Variants in BABAM2 observed in about 807,000 individuals in gnomAD.
The protein encoded by BABAM2 is BRISC and BRCA1-A complex member 2.
A neutral mutation model predicts 54.7 loss-of-function variants in BABAM2; 31 were observed. The observed-to-expected ratio is 0.57, with a 90% CI of 0.43 to 0.77. The LOEUF (loss-of-function observed/expected upper bound fraction) is 0.77, where lower values mean the gene tolerates loss of function less well. Ranked by LOEUF, BABAM2 falls within the 30% of genes least tolerant of loss-of-function variation. BABAM2 has a pLI of 0.00. For missense variants in BABAM2, 364 were observed against 455.8 expected (o/e 0.80, Z 1.83); for synonymous variants, 167 against 162.9 (o/e 1.03, Z -0.19).
At position 28,237,189 on chromosome 2, in the gene BABAM2, C is replaced by T. The variant is rs768139109; in HGVS notation, c.681-13C>T. On this transcript the variant is annotated splice_polypyrimidine_tract_variant and intron_variant, in intron 7 of 11. Coordinates refer to ENST00000379624, the MANE Select transcript of BABAM2 (RefSeq NM_199191.3). ...CCCTAAGAGAAGTGTCCATTGTACT[C>T]TTGTCCTTTCAGTGCACTTGGAGGC... 6.2e-7 allele frequency: 1 copy of T among 1,607,094 alleles called. No homozygotes were observed. Among genetic ancestry groups the T allele is most frequent in the Non-Finnish European group, 8.5e-7 (1 of 1,173,728 alleles).
At chr2:28,228,009 A>G (rs1323977506) in intron 7 of BABAM2, among the ~76,000 whole-genome samples, 1 of 152,186 alleles carries the variant, frequency 6.6e-6, no homozygotes, top group Admixed American at 6.5e-5. Flanking sequence ...AGCTTGGACA[A>G]ATCATCCATC....
chr2:28,292,730 A>G (rs1285415221), intron 10 of BABAM2, among the ~76,000 whole-genome samples: 3 of 152,220 alleles, frequency 2.0e-5, no homozygotes. Context: ...ATCAGAGAGG[A>G]AAATATTTCT....
At chr2:28,310,027 C>T in intron 11 of BABAM2, 7 of 1,545,574 alleles carry the variant, frequency 4.5e-6, no homozygotes, top group Non-Finnish European at 5.4e-6. Context: ...ATTATTGGAT[C>T]CTTGAACCCT....
intron 10 of BABAM2, among the ~76,000 whole-genome samples, chr2:28,251,783 G>A (rs1683512474): frequency 6.6e-6 from 1 of 152,156 alleles, no homozygotes; most frequent in African/African-American, 2.4e-5. Context: ...AATGCTATGT[G>A]TTAGAATTTG....
intron 7 of BABAM2, among the ~76,000 whole-genome samples, chr2:28,149,124 T>C (rs1226811779): frequency 6.6e-6 from 1 of 152,186 alleles, no homozygotes; most frequent in African/African-American, 2.4e-5. Context: ...ATGGAAATGG[T>C]AACAGCATTA....
At chr2:28,312,866 G>A (rs748206912) in intron 11 of BABAM2, among the ~76,000 whole-genome samples, 20 of 152,176 alleles carry the variant, frequency 1.3e-4, no homozygotes, top group African/African-American at 3.9e-4. Flanking sequence ...TTGGCATAGA[G>A]TTGACTTTCA....
chr2:28,210,980 T>C (rs1256799196), intron 7 of BABAM2, among the ~76,000 whole-genome samples: 1 of 152,230 alleles, frequency 6.6e-6, no homozygotes, highest in Non-Finnish European at 1.5e-5. Flanking sequence ...TAAAGGCCAG[T>C]GGTAAAGACA....
intron 6 of BABAM2, among the ~76,000 whole-genome samples, chr2:28,108,031 A>T (rs1371089191): frequency 6.6e-6 from 1 of 151,902 alleles, no homozygotes; most frequent in African/African-American, 2.4e-5. Flanking sequence ...AGTTTATTTT[A>T]TTGGAGCATT....
chr2:28,274,042 C>T (rs1685662711), intron 10 of BABAM2, among the ~76,000 whole-genome samples: 1 of 152,222 alleles, frequency 6.6e-6, no homozygotes, highest in Non-Finnish European at 1.5e-5. Context: ...CTGTCACCTC[C>T]AGGACTAGCT....
At chr2:28,044,765 C>T (rs1677430139) in intron 5 of BABAM2, among the ~76,000 whole-genome samples, 1 of 152,188 alleles carries the variant, frequency 6.6e-6, no homozygotes, top group South Asian at 2.1e-4. Flanking sequence ...TAGACATCCA[C>T]TCTGAGTAGT....
At chr2:28,320,289 G>A (rs1026782691) in intron 11 of BABAM2, among the ~76,000 whole-genome samples, 1 of 152,266 alleles carries the variant, frequency 6.6e-6, no homozygotes, top group Admixed American at 6.5e-5. Flanking sequence ...AAGAAGGAAT[G>A]AAGTTTGTTC....
chr2:27,924,510 T>C (rs953147742), intron 2 of BABAM2, among the ~76,000 whole-genome samples: 5 of 151,958 alleles, frequency 3.3e-5, no homozygotes, highest in African/African-American at 1.2e-4. Flanking sequence ...TCAGCCTCCC[T>C]AGTAGCTGGG....
At chr2:28,066,075 C>G in intron 6 of BABAM2, among the ~76,000 whole-genome samples, 1 of 150,702 alleles carries the variant, frequency 6.6e-6, no homozygotes. Context: ...AGGAGAACCA[C>G]TTGAACCTGG....
At chr2:28,210,263 C>G (rs1007523967) in intron 7 of BABAM2, among the ~76,000 whole-genome samples, 2 of 152,202 alleles carry the variant, frequency 1.3e-5, no homozygotes, top group South Asian at 4.1e-4. Context: ...GGGATGGAGC[C>G]TGGTCCTATA....
At chr2:28,335,249 A>C (rs1369368171) in intron 11 of BABAM2, among the ~76,000 whole-genome samples, 3 of 137,736 alleles carry the variant, frequency 2.2e-5, no homozygotes, top group African/African-American at 8.4e-5. Context: ...GGCTCACTGC[A>C]ACCTCCGCCT....
intron 4 of BABAM2, 96 bp from the exon 5 acceptor site, chr2:28,025,129 TA>T (rs2148562366): frequency 9.7e-6 from 11 of 1,134,020 alleles, no homozygotes; most frequent in Non-Finnish European, 1.4e-5. Context: ...CTTAGATTTC[TA>T]TTACTCTTTT....
chr2:28,331,592 A>G (rs1001331170), intron 11 of BABAM2, among the ~76,000 whole-genome samples: 3 of 152,376 alleles, frequency 2.0e-5, no homozygotes, highest in Non-Finnish European at 2.9e-5. Flanking sequence ...TCATTAGAGA[A>G]AACCCAAATC....
chr2:27,973,124 A>C (rs953571863), intron 3 of BABAM2, among the ~76,000 whole-genome samples: 9 of 151,998 alleles, frequency 5.9e-5, no homozygotes, highest in Admixed American at 4.6e-4. Flanking sequence ...CCTGCACCCT[A>C]TCTCTCTCAT....
intron 6 of BABAM2, among the ~76,000 whole-genome samples, chr2:28,052,993 C>A (rs997115647): frequency 9.9e-5 from 15 of 152,072 alleles, no homozygotes; most frequent in African/African-American, 3.6e-4. Context: ...TGCTTGAAGC[C>A]CATTTAGCAT....
Sources: gnomAD v4.1 joint callset for allele counts (sites outside exome capture counted in the v4.1 genomes callset) on GRCh38, gnomAD v4.1.1 for gene constraint, MANE v1.5 for transcripts, NCBI Gene and HGNC (gene_info 2026-07-23, HGNC 2026-07-21) for gene names.